The following SLC6A8 variants were observed in gnomAD, a reference collection of about 807,000 sequenced individuals.
SLC6A8 encodes the protein solute carrier family 6 member 8, also known as sodium- and chloride-dependent creatine transporter 1.
SLC6A8 carries 6 observed loss-of-function variants against 48.3 expected under a neutral mutation model. The ratio of observed to expected loss-of-function variants is 0.12; its 90% CI spans 0.07 to 0.25. The LOEUF (loss-of-function observed/expected upper bound fraction) is 0.25. Ranked by LOEUF, SLC6A8 falls within the 10% of genes least tolerant of loss-of-function variation. SLC6A8 has a pLI of 1.00. For synonymous variants in SLC6A8, 245 were observed against 244.0 expected (o/e 1.00, Z -0.04); for missense variants, 260 against 551.5 (o/e 0.47, Z 5.29).
rs2148364807 is a variant in SLC6A8 at position 153,694,826 on chromosome X, C to T, written c.1704C>T (p.Ser568=). The change falls in exon 12 of 13, where the codon TCC becomes TCT. Residue 568 remains serine, a synonymous_variant. Transcript: ENST00000253122. ...TGGGCTGGGCCTTCGCCCTGTCCTC[C>T]ATGCTGTGCGTGCCGCTGCACCTCC... ...EAMGWAFALS[S]MLCVPLHLLG... The T allele has an allele frequency of 8.3e-7, 1 of 1,209,661 alleles. No homozygotes were observed. Among genetic ancestry groups the T allele is most frequent in the Non-Finnish European group, 1.1e-6 (1 of 894,614 alleles).
chrX:153,695,307 G>A lies in SLC6A8; in HGVS notation c.*93G>A. ...CCCTCCAGGGGGCCTGCCTTTCCCT[G>A]ACACTTTTGGGGTCTGCCTGGGGGA... On this transcript the variant is annotated 3_prime_UTR_variant, in exon 13 of 13. Coordinates refer to ENST00000253122, the MANE Select transcript of SLC6A8 (RefSeq NM_005629.4). 1 of 953,711 alleles carries A rather than the reference G, an allele frequency of 1.0e-6. No individual in the cohort carries two copies. The highest frequency in any genetic ancestry group is 1.5e-6 in the Non-Finnish European group (1 of 679,248). The allele number at this position is 953,711 out of a possible 1,213,427, so 78.6% of individuals were successfully genotyped here. A position where few individuals can be genotyped will look rare whatever the true frequency, so the allele number is the denominator to read the frequency against.
In SLC6A8 at chrX:153,693,893, C is replaced by G. The variant is rs1351498615; in HGVS notation, c.1142-12C>G. Reference sequence around the variant, plus strand: ...TCGGCTACAAGGTCTAGAGCCTGCACCTTTCCCACAGGGCCGGGCCTGGCC... The same window carrying G: ...TCGGCTACAAGGTCTAGAGCCTGCAGCTTTCCCACAGGGCCGGGCCTGGCC... On this transcript the variant is annotated splice_polypyrimidine_tract_variant and intron_variant, in intron 7 of 12. Transcript: ENST00000253122. The G allele has an allele frequency of 5.3e-6, 6 of 1,141,073 alleles. No homozygotes were observed. Among genetic ancestry groups the G allele is most frequent in the Admixed American group, 2.6e-5 (1 of 38,725 alleles). 94.0% of individuals were successfully genotyped at this position (1,141,073 alleles called of 1,213,427 possible). A position where few individuals can be genotyped will look rare whatever the true frequency, so the allele number is the denominator to read the frequency against.
At position 153,693,263 on chromosome X, in the gene SLC6A8, G is replaced by A. The variant is rs1603216798; in HGVS notation, c.913G>A (p.Val305Met). The A allele has an allele frequency of 3.3e-6, 4 of 1,211,083 alleles. No homozygotes were observed. Among genetic ancestry groups the A allele is most frequent in the Non-Finnish European group, 4.5e-6 (4 of 894,693 alleles). The change falls in exon 6 of 13, where the codon GTG becomes ATG. Residue 305 changes from valine to methionine, a missense_variant and splice_region_variant. This residue lies in a region of SLC6A8 where 75 missense variants were observed against 248.8 expected (regional missense o/e 0.30). Transcript: ENST00000253122. ...PDWSKLGSPQ[V>M]WIDAGTQIFF... Reference sequence around the variant, plus strand: ...CCTGCGCTCTCCGGCCCTTCTCTAGGTGTGGATAGATGCGGGGACCCAGAT... The same window carrying A: ...CCTGCGCTCTCCGGCCCTTCTCTAGATGTGGATAGATGCGGGGACCCAGAT...
intron 1 of SLC6A8, chrX:153,689,391 C>G (rs1189232549): frequency 2.4e-5 from 4 of 166,743 alleles, no homozygotes; most frequent in African/African-American, 1.3e-4. Flanking sequence ...CGCCACTGGA[C>G]ACACTGCATG....
At chrX:153,692,596 G>A (rs1269696883) in intron 4 of SLC6A8, 20 of 337,007 alleles carry the variant, frequency 5.9e-5, no homozygotes, top group African/African-American at 3.9e-4. Context: ...GCTGCATCTC[G>A]CCTGCCTCTG....
At position 153,694,906 on chromosome X, in the gene SLC6A8, G is replaced by T. The variant is rs372958689; in HGVS notation, c.1767+17G>T. On this transcript the variant is annotated intron_variant, in intron 12 of 12. Transcript: ENST00000253122. ...ATGGCTGAGGTAAGGCTCCCGCCCG[G>T]CCCGCCCTCCCCTCCCCTGCTGTGA... The T allele has an allele frequency of 7.4e-6, 6 of 808,660 alleles. No individual in the cohort carries two copies. Among genetic ancestry groups the T allele is most frequent in the Non-Finnish European group, 1.0e-5 (6 of 580,742 alleles). 66.6% of individuals were successfully genotyped at this position (808,660 alleles called of 1,213,427 possible).
At chrX:153,694,934 A>T in intron 12 of SLC6A8, 45 bp downstream of exon 12, 1 of 1,067,513 alleles carries the variant, frequency 9.4e-7, no homozygotes, top group Middle Eastern at 3.4e-4. Flanking sequence ...TGCTGTGAAC[A>T]TTCAACCCAG....
Position 153,693,326 on chromosome X carries a change from G to A in SLC6A8, c.976G>A (p.Ala326Thr), listed in dbSNP as rs1557045053. Reference sequence around the variant, plus strand: ...CGCCATTGGCCTGGGGGCCCTCACAGCCCTGGGCAGCTACAACCGCTTCAA... The same window carrying A: ...CGCCATTGGCCTGGGGGCCCTCACAACCCTGGGCAGCTACAACCGCTTCAA... Reference protein sequence around the residue: ...SYAIGLGALTALGSYNRFNNN... With the variant: ...SYAIGLGALTTLGSYNRFNNN... Residue 326 changes from alanine to threonine, a missense_variant, in exon 6 of 13, where the codon GCC becomes ACC. This residue lies in a region of SLC6A8 where 75 missense variants were observed against 248.8 expected (regional missense o/e 0.30). Coordinates refer to ENST00000253122, the MANE Select transcript of SLC6A8 (RefSeq NM_005629.4). The A allele has an allele frequency of 8.3e-7, 1 of 1,211,408 alleles. No homozygotes were observed. Among genetic ancestry groups the A allele is most frequent in the Admixed American group, 2.2e-5 (1 of 46,105 alleles).
At position 153,688,808 on chromosome X, in the gene SLC6A8, C is replaced by T. The variant is rs1229187797; in HGVS notation, c.234C>T (p.Phe78=). The change falls in exon 1 of 13, where the codon TTC becomes TTT. Residue 78 remains phenylalanine (F), a synonymous_variant. Coordinates refer to ENST00000253122, the MANE Select transcript of SLC6A8 (RefSeq NM_005629.4). ...FAVGLGNVWR[F]PYLCYKNGGG... is the part of the protein sequence containing the mutation. ...TGGGCTTGGGCAACGTGTGGCGCTT[C>T]CCCTACCTGTGCTACAAGAACGGCG... 19 of 1,133,515 alleles carry T rather than the reference C, an allele frequency of 1.7e-5. No homozygotes were observed. The highest frequency in any genetic ancestry group is 2.5e-5 in the Admixed American group (1 of 39,331). The allele number at this position is 1,133,515 out of a possible 1,213,427, so 93.4% of individuals were successfully genotyped here. A position where few individuals can be genotyped will look rare whatever the true frequency, so the allele number is the denominator to read the frequency against.
rs2091454860 is a variant in SLC6A8 at position 153,691,306 on chromosome X, C to G, written c.397C>G (p.Leu133Val). Residue 133 changes from leucine to valine, a missense_variant and splice_region_variant, in exon 3 of 13, where the codon CTG (leucine) becomes GTG (valine). Leu to Val is a conservative substitution (Grantham distance 32). Around this residue, in one of 7 missense-constraint regions of SLC6A8, gnomAD observed 75 missense variants for 248.8 expected, o/e 0.30. Coordinates refer to ENST00000253122, the MANE Select transcript of SLC6A8 (RefSeq NM_005629.4). Reference sequence around the variant, plus strand: ...TGGCAAGGACTTCCCGGCCCCAGGCCTGGGCTACGCCTCCATGGTGATCGT... The same window carrying G: ...TGGCAAGGACTTCCCGGCCCCAGGCGTGGGCTACGCCTCCATGGTGATCGT... Reference protein sequence around the residue: ...VWNICPLFKGLGYASMVIVFY... With the variant: ...VWNICPLFKGVGYASMVIVFY... 1 of 1,197,603 alleles carries G rather than the reference C, an allele frequency of 8.4e-7. No individual in the cohort carries two copies. Among genetic ancestry groups the G allele is most frequent in the Non-Finnish European group, 1.1e-6 (1 of 888,509 alleles).
At chrX:153,692,461 C>G (rs782508326) in intron 4 of SLC6A8, 9 of 350,062 alleles carry the variant, frequency 2.6e-5, no homozygotes, top group Non-Finnish European at 4.9e-5. Context: ...CTTGGGGGCT[C>G]CTGGTCAGGC....
rs149677083 is a variant in SLC6A8, at chrX:153,694,784, G to A, written c.1662G>A (p.Pro554=). The change falls in exon 12 of 13, where the codon CCG becomes CCA. Residue 554 remains proline (P), a synonymous_variant. Transcript: ENST00000253122. ...PLVYNNTYVY[P]WWGEAMGWAF... is the part of the protein sequence containing the mutation. Reference sequence around the variant, plus strand: ...TCTACAACAACACCTACGTGTACCCGTGGTGGGGTGAGGCCATGGGCTGGG... The same window carrying A: ...TCTACAACAACACCTACGTGTACCCATGGTGGGGTGAGGCCATGGGCTGGG... The A allele has an allele frequency of 3.4e-4, 414 of 1,208,341 alleles. No homozygotes were observed. Among genetic ancestry groups the A allele is most frequent in the Non-Finnish European group, 4.5e-4 (403 of 893,765 alleles).
chrX:153,695,218 C>G lies in SLC6A8; in HGVS notation c.*4C>G, dbSNP rs1557045898. On this transcript the variant is annotated 3_prime_UTR_variant, in exon 13 of 13. Transcript: ENST00000253122. ...CGTGGTGGAGAGTGTCATGTGACAA[C>G]TCAGCTCACATCACCAGCTCACCTC... The G allele has an allele frequency of 8.5e-7, 1 of 1,180,320 alleles. No individual in the cohort carries two copies. Among genetic ancestry groups the G allele is most frequent in the African/African-American group, 1.8e-5 (1 of 56,858 alleles).
intron 1 of SLC6A8, 151 bp from the exon 2 acceptor site, chrX:153,690,224 A>T: frequency 3.6e-6 from 2 of 549,816 alleles, no homozygotes; most frequent in Middle Eastern, 5.0e-4. Flanking sequence ...CCCCCTCAAG[A>T]CTCCACCTGG....
At chrX:153,692,266 CAGGG>C in intron 4 of SLC6A8, 159 bp downstream of exon 4, 2 of 566,052 alleles carry the variant, frequency 3.5e-6, no homozygotes, top group Non-Finnish European at 6.1e-6. Context: ...CCTGCAAATC[CAGGG>C]CCCAGCAGCC....
Position 153,695,958 on chromosome X carries a change from C to G in SLC6A8, c.*744C>G, listed in dbSNP as rs3969135. 2.4e-5 allele frequency: 3 copies of G among 124,930 alleles called. No homozygotes were observed. Among genetic ancestry groups the G allele is most frequent in the Middle Eastern group, 8.1e-3 (2 of 248 alleles). 10.3% of individuals were successfully genotyped at this position (124,930 alleles called of 1,213,427 possible). A position where few individuals can be genotyped will look rare whatever the true frequency, so the allele number is the denominator to read the frequency against. On this transcript the variant is annotated 3_prime_UTR_variant, in exon 13 of 13. Transcript: ENST00000253122. ...ATAAAAACTTGAGAGAATGAGATTT[C>G]TGCTTGTATATTTCTAAAAAGAGGA...
At chrX:153,694,050 A>AG (rs782366420) in intron 8 of SLC6A8, 33 bp downstream of exon 8, 4 of 965,672 alleles carry the variant, frequency 4.1e-6, no homozygotes, top group South Asian at 2.2e-5. Context: ...GGGAGCCAGG[A>AG]GGGGGGCGGA....
intron 12 of SLC6A8, 81 bp downstream of exon 12, chrX:153,694,970 C>G: frequency 1.8e-6 from 2 of 1,121,391 alleles, no homozygotes; most frequent in African/African-American, 1.8e-5. Flanking sequence ...GGGAGTGGCC[C>G]CGACTAGGGT....
Position 153,695,449 on chromosome X carries a change from A to T in SLC6A8, c.*235A>T. 1 of 425,157 alleles carries T rather than the reference A, an allele frequency of 2.4e-6. No homozygotes were observed. The allele number at this position is 425,157 out of a possible 1,213,427, so 35.0% of individuals were successfully genotyped here. The stretch of plus-strand genomic sequence containing the variant: ...GCCTCTCCCCCTCCAGCCCTAGCCG[A>T]GCTGGTCCTAGGCCCCGCCTAGTGC... On this transcript the variant is annotated 3_prime_UTR_variant, in exon 13 of 13. Coordinates refer to ENST00000253122, the MANE Select transcript of SLC6A8 (RefSeq NM_005629.4).
Sources: allele counts gnomAD v4.1 joint callset, GRCh38; gene constraint gnomAD v4.1.1; regional missense constraint gnomAD v4.1.1; transcripts MANE v1.5; gene names NCBI Gene and HGNC (gene_info 2026-07-23, HGNC 2026-07-21).